Variants in TXNDC8 observed in about 807,000 individuals in gnomAD.
TXNDC8 encodes thioredoxin domain containing 8.
TXNDC8 carries 15 observed loss-of-function variants against 12.9 expected under a neutral mutation model. The ratio of observed to expected loss-of-function variants is 1.16; its 90% confidence interval spans 0.78 to 1.79. The LOEUF (loss-of-function observed/expected upper bound fraction) is 1.79, where lower values mean the gene tolerates loss of function less well. Ranked by LOEUF, TXNDC8 falls within the 40% of genes most tolerant of loss-of-function variation. The pLI, the probability that TXNDC8 is intolerant of heterozygous loss-of-function variation, is 0.00. For missense variants in TXNDC8, 128 were observed against 113.2 expected, an observed-to-expected ratio of 1.13 and a Z score of -0.59; for synonymous variants, 40 against 35.4, an observed-to-expected ratio of 1.13 and a Z score of -0.46.
At chr9:110,308,465 G>GTT (rs34752105) in intron 3 of TXNDC8, among the ~76,000 whole-genome samples, 15,735 of 147,474 alleles carry the variant, frequency 0.11, 873 homozygotes, top group African/African-American at 0.14. Flanking sequence ...AGATCACATT[G>GTT]TTTTTTTTTT....
chr9:110,304,432 G>A (rs760055189), intron 4 of TXNDC8, 35 bp downstream of exon 5: 1 of 1,574,228 alleles, frequency 6.4e-7, no homozygotes, highest in African/African-American at 1.4e-5. Flanking sequence ...GTAAACCCCA[G>A]ATTTCTAACT....
At chr9:110,306,901 C>T (rs1838489806) in intron 3 of TXNDC8, among the ~76,000 whole-genome samples, 1 of 152,034 alleles carries the variant, frequency 6.6e-6, no homozygotes, top group Non-Finnish European at 1.5e-5. Context: ...TCCCACTACA[C>T]CAAGGATGAA....
chr9:110,303,084 G>A (rs545336477), downstream of TXNDC8, among the ~76,000 whole-genome samples: 1 of 152,086 alleles, frequency 6.6e-6, no homozygotes, highest in South Asian at 2.1e-4. Context: ...TGATGCATTG[G>A]AGAAGAATTT....
intron 3 of TXNDC8, among the ~76,000 whole-genome samples, chr9:110,312,839 T>G (rs759657223): frequency 9.9e-5 from 15 of 152,182 alleles, no homozygotes; most frequent in Non-Finnish European, 1.8e-4. Flanking sequence ...CTAATGTTTT[T>G]CCATTTATAT....
chr9:110,314,010 A>G (rs985037660), intron 3 of TXNDC8, among the ~76,000 whole-genome samples: 1 of 152,220 alleles, frequency 6.6e-6, no homozygotes, highest in Non-Finnish European at 1.5e-5. Flanking sequence ...AGGAAAATAA[A>G]TCTTGGGACC....
chr9:110,335,089 AT>A (rs1475867767), intron 1 of TXNDC8, among the ~76,000 whole-genome samples: 1 of 152,152 alleles, frequency 6.6e-6, no homozygotes, highest in Non-Finnish European at 1.5e-5. Context: ...TACACTAGTT[AT>A]TTCATGCATG....
At chr9:110,304,753 A>G (rs12004694) in intron 3 of TXNDC8, among the ~76,000 whole-genome samples, 7,607 of 152,250 alleles carry the variant, frequency 0.05, 615 homozygotes, top group African/African-American at 0.17. Context: ...AACTCGTGCA[A>G]AGATAAGAAC....
At chr9:110,317,468 C>G (rs1838928653) in intron 3 of TXNDC8, among the ~76,000 whole-genome samples, 1 of 152,214 alleles carries the variant, frequency 6.6e-6, no homozygotes, top group Admixed American at 6.5e-5. Flanking sequence ...GACAGGTATG[C>G]TCTCTTCCCA....
chr9:110,308,474 T>TG (rs201257565), intron 3 of TXNDC8, among the ~76,000 whole-genome samples: 4 of 151,944 alleles, frequency 2.6e-5, no homozygotes, highest in Non-Finnish European at 4.4e-5. Flanking sequence ...TGTTTTTTTT[T>TG]TTGTTGTTGT....
At position 110,310,135 on chromosome 9, in the gene TXNDC8, G is replaced by GA. The variant is rs1024229418; in HGVS notation, c.196-5604dup. On this transcript the variant is annotated intron_variant, in intron 3 of 4. Coordinates refer to ENST00000423740, the MANE Select transcript of TXNDC8 (RefSeq NM_001286946.2). ...GGTCTTTGTGCACATTCACATTAAA[G>GA]AAAAAAGAGTCCTAGGATCCATCTG... is the stretch of plus-strand genomic sequence containing the variant. 3.4e-4 allele frequency among the ~76,000 whole-genome samples: 51 copies of GA among 152,008 alleles called. 1 individual carries two copies. Among genetic ancestry groups the GA allele is most frequent in the African/African-American group, 1.0e-3 (42 of 41,494 alleles).
At chr9:110,319,375 C>A (rs543400136) in intron 3 of TXNDC8, among the ~76,000 whole-genome samples, 2 of 152,140 alleles carry the variant, frequency 1.3e-5, no homozygotes, top group Non-Finnish European at 2.9e-5. Flanking sequence ...GAGAGATGGC[C>A]GTGCACAGCT....
At chr9:110,336,328 C>G (rs1489279816) in intron 1 of TXNDC8, among the ~76,000 whole-genome samples, 1 of 152,168 alleles carries the variant, frequency 6.6e-6, no homozygotes, top group African/African-American at 2.4e-5. Context: ...AAGATGCACT[C>G]TCTTTCTTTA....
chr9:110,336,915 G>A (rs1839780402), intron 1 of TXNDC8, among the ~76,000 whole-genome samples: 1 of 152,120 alleles, frequency 6.6e-6, no homozygotes, highest in South Asian at 2.1e-4. Flanking sequence ...GGAGATGAAA[G>A]GTCTTCTGAG....
chr9:110,322,431 C>A (rs1325409336), intron 3 of TXNDC8: 2 of 985,232 alleles, frequency 2.0e-6, no homozygotes, highest in African/African-American at 3.5e-5. Flanking sequence ...TCTATCAATT[C>A]AAAAGAGATA....
chr9:110,330,145 T>A (rs777766488), intron 2 of TXNDC8, among the ~76,000 whole-genome samples: 40 of 152,212 alleles, frequency 2.6e-4, no homozygotes, highest in Non-Finnish European at 5.3e-4. Flanking sequence ...CATTTTGAAT[T>A]GTTTGCTTAA....
At chr9:110,323,760 G>C (rs559226535) in intron 3 of TXNDC8, 4 of 1,349,948 alleles carry the variant, frequency 3.0e-6, no homozygotes, top group Non-Finnish European at 4.0e-6. Flanking sequence ...GCTTGACTCT[G>C]TTTTCTTCTG....
chr9:110,327,365 C>T (rs1248419130), intron 2 of TXNDC8, among the ~76,000 whole-genome samples: 6 of 151,550 alleles, frequency 4.0e-5, no homozygotes, highest in Non-Finnish European at 8.8e-5. Flanking sequence ...TCTTGTCGCC[C>T]TGGCTGGAGT....
intron 3 of TXNDC8, among the ~76,000 whole-genome samples, chr9:110,307,360 T>G (rs544365192): frequency 6.6e-6 from 1 of 152,170 alleles, no homozygotes; most frequent in Non-Finnish European, 1.5e-5. Context: ...ACCTGTCTTA[T>G]TCTATCTTTA....
At chr9:110,325,222 G>A (rs2118829293) in intron 3 of TXNDC8, among the ~76,000 whole-genome samples, 1 of 152,026 alleles carries the variant, frequency 6.6e-6, no homozygotes, top group East Asian at 1.9e-4. Context: ...ACATAACACA[G>A]TAAGCACTTA....
Sources: gnomAD v4.1 joint callset for allele counts (sites outside exome capture counted in the v4.1 genomes callset) on GRCh38, gnomAD v4.1.1 for gene constraint, MANE v1.5 for transcripts, NCBI Gene and HGNC (gene_info 2026-07-23, HGNC 2026-07-21) for gene names.